The following DNAH9 variants were observed in gnomAD, a reference collection of about 807,000 sequenced individuals.
DNAH9 encodes DNAH9 variant protein.
DNAH9 carries 345 observed loss-of-function variants against 471.6 expected under a neutral mutation model. The observed-to-expected ratio is 0.73, with a 90% CI of 0.67 to 0.80. DNAH9 has a LOEUF of 0.80. DNAH9 is among the 30% of genes least tolerant of loss of function. The pLI is 0.00. For missense variants in DNAH9, 5,407 were observed against 5,609.2 expected (o/e 0.96, Z 1.15); for synonymous variants, 2,093 against 2,123.6 (o/e 0.99, Z 0.40).
chr17:11,687,843 A>C (rs951753888), intron 19 of DNAH9, among the ~76,000 whole-genome samples: 3 of 151,984 alleles, frequency 2.0e-5, no homozygotes, highest in African/African-American at 7.3e-5. Context: ...GACCATAAAA[A>C]AGCCATCTGC....
chr17:11,686,902 CT>C, intron 19 of DNAH9, among the ~76,000 whole-genome samples: 1 of 152,150 alleles, frequency 6.6e-6, no homozygotes, highest in Non-Finnish European at 1.5e-5. Context: ...TGAATTTTAA[CT>C]AACATCAAGA....
intron 26 of DNAH9, among the ~76,000 whole-genome samples, chr17:11,707,320 T>C (rs1331950027): frequency 6.6e-6 from 1 of 152,256 alleles, no homozygotes; most frequent in African/African-American, 2.4e-5. Context: ...TTGACTTTTC[T>C]CTTTTCCTGT....
chr17:11,837,694 T>C (rs1970892925), intron 49 of DNAH9, among the ~76,000 whole-genome samples: 1 of 152,224 alleles, frequency 6.6e-6, no homozygotes, highest in African/African-American at 2.4e-5. Context: ...GTTCAGAATC[T>C]TCCATGGTTT....
At chr17:11,951,652 TG>T (rs1321860501) in intron 67 of DNAH9, among the ~76,000 whole-genome samples, 1 of 152,062 alleles carries the variant, frequency 6.6e-6, no homozygotes, top group African/African-American at 2.4e-5. Context: ...CGGCCGGGTG[TG>T]GTGGCTCACA....
rs1386749017 is a variant in DNAH9, at chr17:11,669,573, G to A, written c.3132G>A (p.Val1044=). Residue 1044 remains valine (V), a synonymous_variant, in exon 17 of 69, where the codon GTG becomes GTA. Coordinates refer to ENST00000262442, the MANE Select transcript of DNAH9 (RefSeq NM_001372.4). ...CTCCGGAAGAAATTGAAGACCATGT[G>A]GAAGATGGCATCCCAGAGAACCCTC... ...ILTPEEIEDH[V]EDGIPENPPL... 2 of 1,614,134 alleles carry A rather than the reference G, an allele frequency of 1.2e-6. No homozygotes were observed. The highest frequency in any genetic ancestry group is 1.1e-5 in the South Asian group (1 of 91,082).
chr17:11,800,866 AG>A (rs1410318112), intron 43 of DNAH9, among the ~76,000 whole-genome samples: 1 of 152,228 alleles, frequency 6.6e-6, no homozygotes, highest in Non-Finnish European at 1.5e-5. Context: ...GGAACCTAGC[AG>A]GTGCTCAGTA....
At chr17:11,939,629 A>C (rs918722998) in intron 66 of DNAH9, among the ~76,000 whole-genome samples, 3 of 152,202 alleles carry the variant, frequency 2.0e-5, no homozygotes, top group African/African-American at 7.2e-5. Flanking sequence ...AAAGAGTCAA[A>C]GCCCAGAGAG....
In DNAH9 at chr17:11,821,597, A is replaced by G. The variant is rs1452727741; in HGVS notation, c.8708-323A>G. 5.3e-5 allele frequency among the ~76,000 whole-genome samples: 8 copies of G among 152,320 alleles called. No individual in the cohort carries two copies. In the East Asian group the frequency reaches 1.5e-3, roughly 29 times the overall value. ...TAAATATTAAACTCCTGGAGGGCAC[A>G]ATACAAAAAGGGCAAAAAATACAGT... On this transcript the variant is annotated intron_variant, in intron 45 of 68. Coordinates refer to ENST00000262442, the MANE Select transcript of DNAH9 (RefSeq NM_001372.4).
intron 53 of DNAH9, among the ~76,000 whole-genome samples, chr17:11,876,550 G>A (rs1972492679): frequency 6.6e-6 from 1 of 152,176 alleles, no homozygotes; most frequent in South Asian, 2.1e-4. Flanking sequence ...AAATAAGCTG[G>A]TGACAAAAAG....
chr17:11,793,279 T>C (rs577352212), intron 41 of DNAH9, among the ~76,000 whole-genome samples: 1 of 152,254 alleles, frequency 6.6e-6, no homozygotes, highest in South Asian at 2.1e-4. Context: ...CACATAGTGG[T>C]TGTGCAAGTA....
rs375034941 is a variant in DNAH9, at chr17:11,834,629, C to A, written c.9247-9C>A. The stretch of plus-strand genomic sequence containing the variant: ...AACTCCTGATAAGTCCCGTGCTTCT[C>A]CAATGCAGGTGGATGATCTGAAAGC... On this transcript the variant is annotated splice_polypyrimidine_tract_variant and intron_variant, in intron 48 of 68. Transcript: ENST00000262442. The A allele has an allele frequency of 1.9e-6, 3 of 1,613,660 alleles. No individual in the cohort carries two copies. The highest frequency in any genetic ancestry group is 1.6e-4 in the Middle Eastern group (1 of 6,084).
intron 45 of DNAH9, among the ~76,000 whole-genome samples, chr17:11,818,270 A>C (rs1260714423): frequency 6.6e-6 from 1 of 152,112 alleles, no homozygotes; most frequent in East Asian, 1.9e-4. Flanking sequence ...CTGTACTAAA[A>C]ATACGAAAAT....
At chr17:11,667,364 C>T (rs985633767) in intron 15 of DNAH9, among the ~76,000 whole-genome samples, 2 of 152,094 alleles carry the variant, frequency 1.3e-5, no homozygotes, top group Non-Finnish European at 2.9e-5. Context: ...TATTGGTAAA[C>T]TTGTGTTCCC....
At chr17:11,727,575 G>A (rs746729807) in intron 27 of DNAH9, among the ~76,000 whole-genome samples, 1 of 152,136 alleles carries the variant, frequency 6.6e-6, no homozygotes, top group Non-Finnish European at 1.5e-5. Flanking sequence ...ATGCAACCCT[G>A]ATGACATTTT....
intron 38 of DNAH9, among the ~76,000 whole-genome samples, chr17:11,772,384 A>G (rs1968243575): frequency 6.6e-6 from 1 of 152,282 alleles, no homozygotes; most frequent in East Asian, 1.9e-4. Context: ...AGTTTCTCAC[A>G]CTGCCCTGAC....
chr17:11,698,440 T>G (rs1317525611), intron 22 of DNAH9, among the ~76,000 whole-genome samples: 3 of 149,358 alleles, frequency 2.0e-5, no homozygotes, highest in Non-Finnish European at 4.4e-5. Flanking sequence ...TGTTTTCTCC[T>G]TTTAAATTTT....
At chr17:11,837,327 G>A (rs745845159) in intron 49 of DNAH9, among the ~76,000 whole-genome samples, 15 of 152,160 alleles carry the variant, frequency 9.9e-5, no homozygotes, top group Non-Finnish European at 1.9e-4. Flanking sequence ...TATGATAGAT[G>A]CTGTCCTCGA....
chr17:11,632,431 A>G (rs758300684), intron 7 of DNAH9, among the ~76,000 whole-genome samples, 156 bp from the exon 8 acceptor site: 6 of 152,228 alleles, frequency 3.9e-5, no homozygotes, highest in African/African-American at 7.2e-5. Flanking sequence ...GTAACTCTAC[A>G]TGGCTAAAAA....
chr17:11,658,156 G>A (rs759299947), intron 14 of DNAH9, among the ~76,000 whole-genome samples: 5 of 152,104 alleles, frequency 3.3e-5, no homozygotes, highest in East Asian at 1.9e-4. Context: ...TTATGAACCC[G>A]GCATATCTCT....
Sources: gnomAD v4.1 joint callset for allele counts (sites outside exome capture counted in the v4.1 genomes callset) on GRCh38, gnomAD v4.1.1 for gene constraint, MANE v1.5 for transcripts, NCBI Gene and HGNC (gene_info 2026-07-23, HGNC 2026-07-21) for gene names.